PIWIL2: variants seen among roughly 807,000 people sequenced by gnomAD.
The protein encoded by PIWIL2 is piwi-like protein 2.
Under a neutral mutation model 116.5 loss-of-function variants are expected in PIWIL2, and 81 were observed. The observed-to-expected ratio is 0.70, with a 90% CI of 0.58 to 0.84. The LOEUF is 0.84. Ranked by LOEUF, PIWIL2 falls within the 40% of genes least tolerant of loss-of-function variation. PIWIL2 has a pLI of 0.00. For synonymous variants in PIWIL2, 489 were observed against 429.5 expected (o/e 1.14, Z -1.71); for missense variants, 1,272 against 1,212.3 (o/e 1.05, Z -0.73).
At chr8:22,299,430 A>G (rs376549889) in intron 10 of PIWIL2, among the ~76,000 whole-genome samples, 13 of 150,902 alleles carry the variant, frequency 8.6e-5, no homozygotes, top group South Asian at 2.1e-4. Flanking sequence ...CTGGTCTTGA[A>G]CTCCTGACCT....
At chr8:22,301,927 T>C (rs1391653274) in intron 10 of PIWIL2, among the ~76,000 whole-genome samples, 1 of 152,204 alleles carries the variant, frequency 6.6e-6, no homozygotes, top group African/African-American at 2.4e-5. Flanking sequence ...ATCATAAATG[T>C]GTAGGTTCTG....
intron 20 of PIWIL2, among the ~76,000 whole-genome samples, chr8:22,344,859 G>A (rs1287634257): frequency 6.6e-6 from 1 of 152,186 alleles, no homozygotes; most frequent in Non-Finnish European, 1.5e-5. Context: ...CTTGGTGACA[G>A]AGTAAGACCC....
intron 8 of PIWIL2, 135 bp from the exon 9 acceptor site, chr8:22,289,712 T>C (rs557866922): frequency 2.0e-5 from 12 of 615,082 alleles, no homozygotes; most frequent in African/African-American, 1.7e-4. Context: ...TTGTTCTCAA[T>C]ATAAAAGCTG....
At chr8:22,301,993 T>C (rs961630952) in intron 10 of PIWIL2, among the ~76,000 whole-genome samples, 1 of 152,168 alleles carries the variant, frequency 6.6e-6, no homozygotes, top group Admixed American at 6.5e-5. Flanking sequence ...CTGCATTAGC[T>C]ACAGTCCCTG....
chr8:22,303,919 T>C (rs1831112189), intron 10 of PIWIL2, 102 bp from the exon 11 acceptor site: 2 of 648,570 alleles, frequency 3.1e-6, no homozygotes, highest in South Asian at 2.7e-5. Context: ...CTTCTGGTGC[T>C]ATATAGCTGT....
intron 19 of PIWIL2, among the ~76,000 whole-genome samples, chr8:22,317,758 C>G (rs1358215132): frequency 6.6e-6 from 1 of 152,078 alleles, no homozygotes; most frequent in African/African-American, 2.4e-5. Context: ...CTCCCAGGTT[C>G]ACGCCATTCT....
rs535680934 is a variant in PIWIL2, at chr8:22,318,265, A to C, written c.2393A>C (p.Lys798Thr). The C allele has an allele frequency of 1.3e-6, 2 of 1,581,792 alleles. No individual in the cohort carries two copies. Among genetic ancestry groups the C allele is most frequent in the Non-Finnish European group, 1.7e-6 (2 of 1,151,550 alleles). Residue 798 changes from lysine to threonine, a missense_variant, in exon 20 of 23, where the codon AAG becomes ACG. By Grantham distance (78) the Lys-to-Thr change is moderately conservative (BLOSUM62 -1). Coordinates refer to ENST00000356766, the MANE Select transcript of PIWIL2 (RefSeq NM_018068.5). ...LKLCLVGSLK[K>T]FYEVNHCLPE... ...CTATGCCTCGTGGGCTCCTTAAAAAAGTTTTATGAGGTGAGGAGAACAGAA... is the reference window on the plus strand; with the variant it reads ...CTATGCCTCGTGGGCTCCTTAAAAACGTTTTATGAGGTGAGGAGAACAGAA...
At chr8:22,304,902 T>C in intron 12 of PIWIL2, 34 bp downstream of exon 12, 2 of 1,397,568 alleles carry the variant, frequency 1.4e-6, no homozygotes, top group Non-Finnish European at 2.0e-6. Context: ...AATTCCAGCT[T>C]AAGTTCTTCA....
At chr8:22,343,173 G>A (rs1157176121) in intron 20 of PIWIL2, among the ~76,000 whole-genome samples, 1 of 151,834 alleles carries the variant, frequency 6.6e-6, no homozygotes, top group Non-Finnish European at 1.5e-5. Flanking sequence ...GAGGGGCCGA[G>A]GTGGGCTGAT....
intron 20 of PIWIL2, among the ~76,000 whole-genome samples, chr8:22,351,434 TACATAC>T (rs1349601358): frequency 1.6e-5 from 1 of 61,826 alleles, no homozygotes; most frequent in Non-Finnish European, 3.0e-5. Flanking sequence ...GAACAGTGCA[TACATAC>T]ATATATATAT....
At chr8:22,316,948 C>G (rs1831474521) in intron 19 of PIWIL2, among the ~76,000 whole-genome samples, 2 of 151,594 alleles carry the variant, frequency 1.3e-5, no homozygotes, top group Admixed American at 1.3e-4. Context: ...GCCACCATAC[C>G]CAGCTAATTT....
At chr8:22,345,404 T>C (rs1358966309) in intron 20 of PIWIL2, among the ~76,000 whole-genome samples, 1 of 152,156 alleles carries the variant, frequency 6.6e-6, no homozygotes, top group African/African-American at 2.4e-5. Flanking sequence ...CTCACACCTA[T>C]AATCCCAGCA....
At chr8:22,293,626 A>G (rs1186639081) in intron 10 of PIWIL2, among the ~76,000 whole-genome samples, 1 of 152,252 alleles carries the variant, frequency 6.6e-6, no homozygotes, top group Non-Finnish European at 1.5e-5. Flanking sequence ...CGCCAGGCCT[A>G]TTTTCAGTGT....
Position 22,288,632 on chromosome 8 carries a change from C to A in PIWIL2, c.952C>A (p.Leu318Met). ...MTKILEPCSD[L>M]CIPFYNVVFR... ...AAAGATCCTGGAGCCCTGCTCTGACCTGTGCATTCCCTTCTACAATGTTGT... is the reference window on the plus strand; with the variant it reads ...AAAGATCCTGGAGCCCTGCTCTGACATGTGCATTCCCTTCTACAATGTTGT... Residue 318 changes from leucine (L) to methionine (M), a missense_variant, in exon 8 of 23, where the codon CTG (leucine) becomes ATG (methionine). Transcript: ENST00000356766. The A allele has an allele frequency of 6.2e-7, 1 of 1,613,114 alleles. No homozygotes were observed. Among genetic ancestry groups the A allele is most frequent in the Non-Finnish European group, 8.5e-7 (1 of 1,179,334 alleles).
At chr8:22,350,589 C>G (rs1012713977) in intron 20 of PIWIL2, among the ~76,000 whole-genome samples, 1 of 151,846 alleles carries the variant, frequency 6.6e-6, no homozygotes, top group Non-Finnish European at 1.5e-5. Context: ...AGCATGAGAC[C>G]CCATCTCAAA....
At chr8:22,333,970 T>G (rs1831921174) in intron 20 of PIWIL2, among the ~76,000 whole-genome samples, 1 of 151,152 alleles carries the variant, frequency 6.6e-6, no homozygotes, top group South Asian at 2.1e-4. Context: ...AGAGTTTTTT[T>G]GTGTTTTTTT....
intron 20 of PIWIL2, among the ~76,000 whole-genome samples, chr8:22,330,084 G>A (rs1271309077): frequency 6.6e-6 from 1 of 152,042 alleles, no homozygotes; most frequent in Non-Finnish European, 1.5e-5. Flanking sequence ...TTATATGATG[G>A]TGTGTTTGTT....
chr8:22,277,108 G>A (rs530335696), intron 1 of PIWIL2, among the ~76,000 whole-genome samples: 1 of 151,722 alleles, frequency 6.6e-6, no homozygotes, highest in Admixed American at 6.6e-5. Context: ...TGCAACCTCC[G>A]CCTCCTGGGT....
chr8:22,343,631 A>G (rs1445396421), intron 20 of PIWIL2, among the ~76,000 whole-genome samples: 1 of 152,242 alleles, frequency 6.6e-6, no homozygotes, highest in Admixed American at 6.5e-5. Flanking sequence ...GCAAATTAGC[A>G]TACAAGCAGG....
Sources: gnomAD v4.1 joint callset for allele counts (sites outside exome capture counted in the v4.1 genomes callset) on GRCh38, gnomAD v4.1.1 for gene constraint, MANE v1.5 for transcripts, NCBI Gene and HGNC (gene_info 2026-07-23, HGNC 2026-07-21) for gene names.